The following DMD variants were observed in gnomAD, a reference collection of about 807,000 sequenced individuals.
DMD encodes mutant dystrophin.
Under a neutral mutation model 330.1 loss-of-function variants are expected in DMD, and 63 were observed. The observed-to-expected ratio is 0.19, with a 90% CI of 0.16 to 0.24. The LOEUF (loss-of-function observed/expected upper bound fraction) is 0.24. Among genes scored for constraint, DMD ranks in the 10% least tolerant of loss-of-function variants. The pLI, the probability that DMD is intolerant of heterozygous loss-of-function variation, is 1.00. For missense variants in DMD, 3,344 were observed against 2,684.1 expected (o/e 1.25, Z -5.43); for synonymous variants, 1,223 against 959.8 (o/e 1.27, Z -5.07).
chrX:32,497,207 G>A (rs1173695210), intron 19 of DMD, among the ~76,000 whole-genome samples: 2 of 111,479 alleles, frequency 1.8e-5, no homozygotes, highest in Admixed American at 9.6e-5. Flanking sequence ...ATAGTTACTT[G>A]GTTAATGTTA....
At chrX:31,747,963 T>A (rs1400646557) in intron 51 of DMD, among the ~76,000 whole-genome samples, 1 of 112,119 alleles carries the variant, frequency 8.9e-6, no homozygotes, top group Non-Finnish European at 1.9e-5. Flanking sequence ...TTTATTTGTA[T>A]AAGGTGAGCA....
intron 19 of DMD, among the ~76,000 whole-genome samples, chrX:32,500,225 C>A (rs1026364045): frequency 9.0e-6 from 1 of 111,107 alleles, no homozygotes; most frequent in Non-Finnish European, 1.9e-5. Flanking sequence ...ACGTTATTAC[C>A]TCAACGACTG....
chrX:31,926,469 G>A (rs891674580), intron 47 of DMD, among the ~76,000 whole-genome samples: 8 of 110,976 alleles, frequency 7.2e-5, no homozygotes, highest in African/African-American at 2.6e-4. Context: ...GAGGTCAGGA[G>A]TTCGAGACCA....
intron 60 of DMD, among the ~76,000 whole-genome samples, chrX:31,396,838 C>T (rs773198492): frequency 5.1e-4 from 57 of 111,629 alleles, no homozygotes; most frequent in Middle Eastern, 4.6e-3. Context: ...ATTTAGAAAA[C>T]GTAACATCTA....
intron 2 of DMD, among the ~76,000 whole-genome samples, chrX:32,976,929 A>T: frequency 9.0e-6 from 1 of 111,324 alleles, no homozygotes; most frequent in Non-Finnish European, 1.9e-5. Context: ...AATATGTCTT[A>T]CAAAAGAGGG....
In DMD at chrX:31,608,812, A is replaced by C. The variant is rs186171556; in HGVS notation, c.8217+18861T>G. Reference sequence around the variant, plus strand: ...ACTCCTGCTCATTTACCATTTGCTAAAGCAAATCACATGGCCAACCCCTAA... The same window carrying C: ...ACTCCTGCTCATTTACCATTTGCTACAGCAAATCACATGGCCAACCCCTAA... On this transcript the variant is annotated intron_variant, in intron 55 of 78. Transcript: ENST00000357033. Among the ~76,000 whole-genome samples the C allele has an allele frequency of 1.9e-3, 211 of 111,565 alleles. 1 individual carries two copies. The highest frequency in any genetic ancestry group is 2.7e-3 in the Admixed American group (28 of 10,496).
intron 1 of DMD, among the ~76,000 whole-genome samples, chrX:33,237,664 C>A (rs1236588478): frequency 8.9e-6 from 1 of 111,986 alleles, no homozygotes; most frequent in Admixed American, 9.5e-5. Context: ...CATTTCATTT[C>A]TATTTGTGAA....
chrX:32,303,737 A>T (rs949947383), intron 42 of DMD, among the ~76,000 whole-genome samples: 2 of 110,119 alleles, frequency 1.8e-5, no homozygotes, highest in Admixed American at 9.7e-5. Flanking sequence ...AAAGAGAAAT[A>T]AGAGAACCAA....
At chrX:33,200,442 AAG>A (rs2051199202) in intron 1 of DMD, among the ~76,000 whole-genome samples, 1 of 111,403 alleles carries the variant, frequency 9.0e-6, no homozygotes, top group Non-Finnish European at 1.9e-5. Context: ...GAAAGACAAA[AAG>A]AGAAGATCTA....
intron 51 of DMD, among the ~76,000 whole-genome samples, chrX:31,762,402 C>G (rs1232032342): frequency 9.0e-6 from 1 of 110,783 alleles, no homozygotes; most frequent in Non-Finnish European, 1.9e-5. Context: ...AACCCCGTCT[C>G]TACTAAAAAT....
intron 25 of DMD, among the ~76,000 whole-genome samples, chrX:32,457,946 A>C (rs148675262): frequency 0.015 from 1,701 of 111,096 alleles, 35 homozygotes; most frequent in African/African-American, 0.052. Flanking sequence ...CATGTTTTAT[A>C]ATTCTATATA....
intron 9 of DMD, among the ~76,000 whole-genome samples, chrX:32,694,461 G>C (rs2063502240): frequency 9.0e-6 from 1 of 111,319 alleles, no homozygotes; most frequent in South Asian, 3.8e-4. Context: ...TTGGCCAGTT[G>C]CTTAAGTAAG....
At chrX:32,764,998 C>T (rs1196983616) in intron 7 of DMD, among the ~76,000 whole-genome samples, 2 of 106,009 alleles carry the variant, frequency 1.9e-5, no homozygotes, top group Non-Finnish European at 3.9e-5. Flanking sequence ...AATCATCATC[C>T]TAATGGGTGT....
chrX:32,196,719 C>T (rs951253482), intron 44 of DMD, among the ~76,000 whole-genome samples: 3 of 110,424 alleles, frequency 2.7e-5, no homozygotes, highest in African/African-American at 9.9e-5. Flanking sequence ...GGCACGGTGG[C>T]TCACGCCTGT....
intron 49 of DMD, among the ~76,000 whole-genome samples, chrX:31,834,793 A>G (rs1473448966): frequency 9.0e-6 from 1 of 111,065 alleles, no homozygotes; most frequent in African/African-American, 3.3e-5. Flanking sequence ...GAAGACAGGA[A>G]TAAATTTTCC....
At chrX:32,172,849 A>C (rs1172383046) in intron 44 of DMD, among the ~76,000 whole-genome samples, 1 of 111,762 alleles carries the variant, frequency 8.9e-6, no homozygotes, top group Non-Finnish European at 1.9e-5. Flanking sequence ...TGCACTGAGA[A>C]ATGAGATAAA....
At chrX:32,571,928 A>G (rs897887775) in intron 15 of DMD, among the ~76,000 whole-genome samples, 2 of 111,633 alleles carry the variant, frequency 1.8e-5, no homozygotes, top group Admixed American at 1.9e-4. Flanking sequence ...TAGTCCTCGT[A>G]CCATCAAACA....
intron 61 of DMD, among the ~76,000 whole-genome samples, chrX:31,342,776 A>G (rs2057843814): frequency 9.0e-6 from 1 of 111,511 alleles, no homozygotes; most frequent in African/African-American, 3.3e-5. Context: ...GTCAGGAAAA[A>G]TCTTTAAATT....
At chrX:32,428,665 T>G (rs1355600589) in intron 29 of DMD, among the ~76,000 whole-genome samples, 1 of 111,449 alleles carries the variant, frequency 9.0e-6, no homozygotes, top group Non-Finnish European at 1.9e-5. Context: ...CAGGCTGGAG[T>G]GGAGACTGCA....
Sources: allele counts gnomAD v4.1 joint callset (sites outside exome capture counted in the v4.1 genomes callset), GRCh38; gene constraint gnomAD v4.1.1; transcripts MANE v1.5; gene names NCBI Gene and HGNC (gene_info 2026-07-23, HGNC 2026-07-21).